SMAP1: variants seen among roughly 807,000 people sequenced by gnomAD.
The protein encoded by SMAP1 is small ArfGAP 1, also known as stromal membrane-associated protein 1.
Under a neutral mutation model 58.5 loss-of-function variants are expected in SMAP1, and 24 were observed. The observed-to-expected ratio is 0.41, with a 90% CI of 0.30 to 0.58. The LOEUF is 0.58. Ranked by LOEUF, SMAP1 falls within the 20% of genes least tolerant of loss-of-function variation. The pLI, the probability that SMAP1 is intolerant of heterozygous loss-of-function variation, is 0.29. For missense variants in SMAP1, 563 were observed against 566.3 expected (o/e 0.99, Z 0.06); for synonymous variants, 216 against 196.6 (o/e 1.10, Z -0.82).
intron 6 of SMAP1, 110 bp from the exon 7 acceptor site, chr6:70,836,831 T>G (rs1318936350): frequency 1.2e-6 from 1 of 836,248 alleles, no homozygotes. Context: ...TATACTATGT[T>G]TCATATTTTT....
At chr6:70,678,249 T>A (rs1766563827) in intron 1 of SMAP1, among the ~76,000 whole-genome samples, 1 of 152,218 alleles carries the variant, frequency 6.6e-6, no homozygotes, top group African/African-American at 2.4e-5. Flanking sequence ...TGATTGATGG[T>A]AGACCTTCAG....
At chr6:70,771,787 A>T (rs1196966964) in intron 3 of SMAP1, among the ~76,000 whole-genome samples, 1 of 152,102 alleles carries the variant, frequency 6.6e-6, no homozygotes, top group Non-Finnish European at 1.5e-5. Flanking sequence ...GGTACTCCCT[A>T]GTGAGATGAA....
chr6:70,703,961 C>T (rs978735930), intron 1 of SMAP1, among the ~76,000 whole-genome samples: 43 of 152,174 alleles, frequency 2.8e-4, no homozygotes, highest in African/African-American at 9.9e-4. Flanking sequence ...CTCTTGATTT[C>T]CAGTTTCTTC....
chr6:70,765,274 C>T (rs1299444031), intron 3 of SMAP1, among the ~76,000 whole-genome samples: 2 of 152,168 alleles, frequency 1.3e-5, no homozygotes, highest in Admixed American at 1.3e-4. Context: ...TTCTTAGAAA[C>T]CACGACTTTA....
intron 4 of SMAP1, among the ~76,000 whole-genome samples, chr6:70,785,683 A>T (rs1582181334): frequency 6.6e-6 from 1 of 152,226 alleles, no homozygotes; most frequent in Non-Finnish European, 1.5e-5. Flanking sequence ...CCTCTACGCA[A>T]ATAAACTAGA....
Position 70,706,310 on chromosome 6 carries a change from C to T in SMAP1, c.119-26068C>T, listed in dbSNP as rs568279099. ...TCTTACAGTAAAAATAAGTCCTTTC[C>T]CCCCAACTATCTTAAAATCTTAAGA... On this transcript the variant is annotated intron_variant, in intron 1 of 10. Coordinates refer to ENST00000370455, the MANE Select transcript of SMAP1 (RefSeq NM_001044305.3). Among the ~76,000 whole-genome samples the T allele has an allele frequency of 5.9e-4, 90 of 152,108 alleles. 1 individual carries two copies. Among genetic ancestry groups the T allele is most frequent in the African/African-American group, 2.2e-3 (90 of 41,502 alleles).
At chr6:70,804,795 T>G (rs552816577) in intron 6 of SMAP1, among the ~76,000 whole-genome samples, 215 of 152,320 alleles carry the variant, frequency 1.4e-3, no homozygotes, top group Non-Finnish European at 2.5e-3. Context: ...GGTTGAAAAT[T>G]CTTTTCTTTA....
intron 1 of SMAP1, among the ~76,000 whole-genome samples, chr6:70,723,730 G>A (rs1768635761): frequency 6.6e-6 from 1 of 152,222 alleles, no homozygotes; most frequent in East Asian, 1.9e-4. Context: ...TGATGTAGTA[G>A]ACTCTTGGTA....
chr6:70,858,454 AG>A, intron 10 of SMAP1: 1 of 409,864 alleles, frequency 2.4e-6, no homozygotes, highest in Admixed American at 4.2e-5. Context: ...TGTAAAAAAA[AG>A]GTTAAACATC....
intron 2 of SMAP1, among the ~76,000 whole-genome samples, chr6:70,740,255 G>C (rs1435174411): frequency 5.9e-5 from 9 of 152,022 alleles, no homozygotes; most frequent in Non-Finnish European, 1.0e-4. Context: ...TTGTTTTCAT[G>C]TAATGTTTAA....
intron 2 of SMAP1, among the ~76,000 whole-genome samples, chr6:70,749,375 A>G (rs933354896): frequency 2.6e-5 from 4 of 152,290 alleles, no homozygotes; most frequent in South Asian, 2.1e-4. Flanking sequence ...AACCATATCA[A>G]TTGGGTAGAA....
At chr6:70,689,782 A>C (rs1410343135) in intron 1 of SMAP1, among the ~76,000 whole-genome samples, 1 of 151,912 alleles carries the variant, frequency 6.6e-6, no homozygotes, top group Non-Finnish European at 1.5e-5. Flanking sequence ...GGCCTTCCTT[A>C]TTTTTTGTTA....
rs528962695 is a variant in SMAP1, at chr6:70,802,812, C to T, written c.576+4075C>T. Among the ~76,000 whole-genome samples, 13 of 152,142 alleles carry T rather than the reference C, an allele frequency of 8.5e-5. No individual in the cohort carries two copies. The East Asian group carries it at 9.7e-4, about 11-fold the overall frequency. On this transcript the variant is annotated intron_variant, in intron 6 of 10. Coordinates refer to ENST00000370455, the MANE Select transcript of SMAP1 (RefSeq NM_001044305.3). ...TGTTTATGTGATGGATCACGTTTAT[C>T]GATTTGCGTATGTTGAACCAGCCTT...
chr6:70,699,390 G>A (rs2149826538), intron 1 of SMAP1, among the ~76,000 whole-genome samples: 1 of 152,250 alleles, frequency 6.6e-6, no homozygotes, highest in Non-Finnish European at 1.5e-5. Flanking sequence ...GGGACCTGTG[G>A]CGACCACTGC....
intron 8 of SMAP1, 114 bp from the exon 9 acceptor site, chr6:70,856,745 T>C: frequency 9.1e-7 from 1 of 1,100,544 alleles, no homozygotes; most frequent in Non-Finnish European, 1.3e-6. Flanking sequence ...CCATTTTACC[T>C]TCTACAATTG....
chr6:70,788,061 C>G (rs541631514), intron 4 of SMAP1, among the ~76,000 whole-genome samples: 2 of 152,070 alleles, frequency 1.3e-5, no homozygotes, highest in African/African-American at 2.4e-5. Context: ...AAATGTCCAA[C>G]AATGATAGAC....
Position 70,760,149 on chromosome 6 carries a change from T to C in SMAP1, c.338+5084T>C, listed in dbSNP as rs1195155294. On this transcript the variant is annotated intron_variant, in intron 3 of 10. Transcript: ENST00000370455. The stretch of plus-strand genomic sequence containing the variant: ...TCTTGATTGCCTTTGAAAATAGGGT[T>C]ATTATAATTTGGCACTCTTGGCAGC... Among the ~76,000 whole-genome samples, 3 of 152,072 alleles carry C rather than the reference T, an allele frequency of 2.0e-5. No homozygotes were observed. In the East Asian group the frequency reaches 5.8e-4, roughly 29 times the overall value.
intron 6 of SMAP1, among the ~76,000 whole-genome samples, chr6:70,808,947 C>T (rs1214274170): frequency 6.9e-6 from 1 of 144,128 alleles, no homozygotes; most frequent in Non-Finnish European, 1.5e-5. Context: ...TGTGTACACA[C>T]TTACTGGTTT....
At chr6:70,817,132 A>G (rs1769667696) in intron 6 of SMAP1, among the ~76,000 whole-genome samples, 1 of 146,246 alleles carries the variant, frequency 6.8e-6, no homozygotes, top group Non-Finnish European at 1.5e-5. Flanking sequence ...ATATATATAT[A>G]TATATATTTT....
Sources: allele counts gnomAD v4.1 joint callset (sites outside exome capture counted in the v4.1 genomes callset), GRCh38; gene constraint gnomAD v4.1.1; transcripts MANE v1.5; gene names NCBI Gene and HGNC (gene_info 2026-07-23, HGNC 2026-07-21).